ATRNL1: variants seen among roughly 807,000 people sequenced by gnomAD.
ATRNL1 encodes attractin-like protein 1.
In ATRNL1, 95 loss-of-function variants were observed where a neutral mutation model predicts 182.7. That is an observed-to-expected ratio of 0.52 (90% CI 0.44 to 0.62). ATRNL1 has a LOEUF of 0.62. Ranked by LOEUF, ATRNL1 falls within the 20% of genes least tolerant of loss-of-function variation. ATRNL1 has a pLI of 0.00. For missense variants in ATRNL1, 1,471 were observed against 1,679.5 expected, an observed-to-expected ratio of 0.88 and a Z score of 2.17; for synonymous variants, 576 against 568.3, an observed-to-expected ratio of 1.01 and a Z score of -0.19.
At chr10:115,129,811 T>C (rs1215179078) in intron 5 of ATRNL1, among the ~76,000 whole-genome samples, 2 of 152,204 alleles carry the variant, frequency 1.3e-5, no homozygotes, top group Non-Finnish European at 2.9e-5. Context: ...TATGGTCTTC[T>C]GTAATTTGTT....
chr10:115,141,343 A>G (rs1260828686), intron 5 of ATRNL1, among the ~76,000 whole-genome samples: 9 of 152,130 alleles, frequency 5.9e-5, no homozygotes, highest in African/African-American at 2.2e-4. Context: ...GAGATAAGCA[A>G]TTGAATTTGA....
intron 8 of ATRNL1, among the ~76,000 whole-genome samples, chr10:115,180,442 G>T (rs1554887667): frequency 1.3e-5 from 2 of 151,396 alleles, no homozygotes; most frequent in Non-Finnish European, 3.0e-5. Flanking sequence ...TTTATTTGTT[G>T]TATAACTCTA....
chr10:115,912,020 T>C (rs1238523236), intron 28 of ATRNL1, among the ~76,000 whole-genome samples: 3 of 152,164 alleles, frequency 2.0e-5, no homozygotes, highest in Non-Finnish European at 4.4e-5. Flanking sequence ...TATTCAATGA[T>C]TGAATCTCAG....
chr10:115,345,065 T>C (rs7921716), intron 19 of ATRNL1, among the ~76,000 whole-genome samples: 2,830 of 152,328 alleles, frequency 0.019, 103 homozygotes, highest in African/African-American at 0.065. Flanking sequence ...AGTCTGGGGT[T>C]AGAGGAGAGG....
chr10:115,568,568 C>G (rs999414442), intron 26 of ATRNL1, among the ~76,000 whole-genome samples: 1 of 151,796 alleles, frequency 6.6e-6, no homozygotes, highest in East Asian at 1.9e-4. Flanking sequence ...AAATATAAAG[C>G]TCTCAGCAAG....
chr10:115,172,437 A>T (rs1325291102), intron 8 of ATRNL1, among the ~76,000 whole-genome samples: 3 of 152,002 alleles, frequency 2.0e-5, no homozygotes, highest in Non-Finnish European at 4.4e-5. Context: ...TACATAAGGC[A>T]AATATTTTTA....
chr10:115,593,015 G>A (rs892284391), intron 26 of ATRNL1, among the ~76,000 whole-genome samples: 2 of 152,114 alleles, frequency 1.3e-5, no homozygotes, highest in African/African-American at 2.4e-5. Flanking sequence ...AATTTGTAAT[G>A]AGTAGAAATG....
intron 11 of ATRNL1, 76 bp downstream of exon 11, chr10:115,265,353 T>C (rs1236957504): frequency 2.2e-6 from 2 of 904,396 alleles, no homozygotes; most frequent in Non-Finnish European, 3.4e-6. Context: ...GGTATTCTTT[T>C]TGAAAATTAT....
At chr10:115,100,334 T>C in intron 1 of ATRNL1, among the ~76,000 whole-genome samples, 1 of 152,048 alleles carries the variant, frequency 6.6e-6, no homozygotes, top group Non-Finnish European at 1.5e-5. Flanking sequence ...GAAAACTGCC[T>C]AAACCAAGTT....
At position 115,221,591 on chromosome 10, in the gene ATRNL1, AC is replaced by A. The variant is rs569768316; in HGVS notation, c.1532+5712del. Among the ~76,000 whole-genome samples the A allele has an allele frequency of 1.1e-3, 170 of 152,320 alleles. 1 individual carries two copies. Among genetic ancestry groups the A allele is most frequent in the Non-Finnish European group, 2.1e-3 (143 of 68,026 alleles). ...TAGGAGAGGTACAATGTCAAGGGAT[AC>A]AAGACAGGCATTTTGTGTAATTTTA... On this transcript the variant is annotated intron_variant, in intron 9 of 28. Coordinates refer to ENST00000355044, the MANE Select transcript of ATRNL1 (RefSeq NM_207303.4).
chr10:115,417,421 T>G (rs1347315247), intron 20 of ATRNL1, among the ~76,000 whole-genome samples: 1 of 152,252 alleles, frequency 6.6e-6, no homozygotes, highest in South Asian at 2.1e-4. Flanking sequence ...CTTGCCAAAC[T>G]TATCTTTCAG....
rs377198382 is a variant in ATRNL1 at position 115,293,743 on chromosome 10, T to C, written c.2416-6291T>C. Among the ~76,000 whole-genome samples, 8 of 152,324 alleles carry C rather than the reference T, an allele frequency of 5.3e-5. No individual in the cohort carries two copies. In the East Asian group the frequency reaches 1.5e-3, roughly 29 times the overall value. On this transcript the variant is annotated intron_variant, in intron 15 of 28. Coordinates refer to ENST00000355044, the MANE Select transcript of ATRNL1 (RefSeq NM_207303.4). ...GCTTTTCTGGGTATAATATTTGTGG[T>C]TGACAGTTTTTTGTTTTCTTCTCAA... is the stretch of plus-strand genomic sequence containing the variant.
At chr10:115,911,108 G>A (rs1338810226) in intron 28 of ATRNL1, among the ~76,000 whole-genome samples, 2 of 151,692 alleles carry the variant, frequency 1.3e-5, no homozygotes, top group Non-Finnish European at 2.9e-5. Flanking sequence ...AGGTTCTAAC[G>A]ATTCTCATGG....
intron 26 of ATRNL1, among the ~76,000 whole-genome samples, chr10:115,649,134 CTT>C (rs1390156569): frequency 6.6e-6 from 1 of 152,032 alleles, no homozygotes; most frequent in African/African-American, 2.4e-5. Context: ...TATAGTGACG[CTT>C]TGTTTTATTT....
chr10:115,185,235 G>A (rs1439841811), intron 8 of ATRNL1, among the ~76,000 whole-genome samples: 2 of 152,008 alleles, frequency 1.3e-5, no homozygotes, highest in Non-Finnish European at 2.9e-5. Context: ...CAGTAGTAGT[G>A]AGCACACTGA....
chr10:115,626,023 A>G (rs1858074347), intron 26 of ATRNL1, among the ~76,000 whole-genome samples: 1 of 152,140 alleles, frequency 6.6e-6, no homozygotes, highest in African/African-American at 2.4e-5. Context: ...TACTAATAAT[A>G]ATTTGTACTA....
At chr10:115,230,903 G>GAGAGAA (rs1554899801) in intron 9 of ATRNL1, among the ~76,000 whole-genome samples, 3 of 112,626 alleles carry the variant, frequency 2.7e-5, no homozygotes, top group African/African-American at 8.8e-5. Context: ...GAGAGAGAGA[G>GAGAGAA]AGAGAGAGAG....
chr10:115,455,749 T>A (rs1258267597), intron 21 of ATRNL1, among the ~76,000 whole-genome samples: 1 of 152,154 alleles, frequency 6.6e-6, no homozygotes, highest in East Asian at 1.9e-4. Context: ...GACAAAGGGC[T>A]AATATCCAGA....
At chr10:115,748,852 A>G (rs1434881773) in intron 27 of ATRNL1, among the ~76,000 whole-genome samples, 1 of 151,928 alleles carries the variant, frequency 6.6e-6, no homozygotes, top group African/African-American at 2.4e-5. Context: ...CTCCCTTAGG[A>G]ATCTTAATTC....
Sources: gnomAD v4.1 joint callset for allele counts (sites outside exome capture counted in the v4.1 genomes callset) on GRCh38, gnomAD v4.1.1 for gene constraint, MANE v1.5 for transcripts, NCBI Gene and HGNC (gene_info 2026-07-23, HGNC 2026-07-21) for gene names.